Variants in CALD1 observed in about 807,000 individuals in gnomAD.
CALD1 encodes caldesmon.
A neutral mutation model predicts 99.9 loss-of-function variants in CALD1; 33 were observed. The ratio of observed to expected loss-of-function variants is 0.33; its 90% CI spans 0.25 to 0.44. CALD1 has a LOEUF of 0.44. Ranked by LOEUF, CALD1 falls within the 20% of genes least tolerant of loss-of-function variation. The pLI is 1.00. For synonymous variants in CALD1, 310 were observed against 325.0 expected (o/e 0.95, Z 0.50); for missense variants, 861 against 962.1 (o/e 0.89, Z 1.39).
intron 13 of CALD1, chr7:134,962,870 T>A (rs2133276073): frequency 2.2e-6 from 1 of 456,662 alleles, no homozygotes; most frequent in South Asian, 1.5e-5. Flanking sequence ...GAAACCTGCT[T>A]CTCCTGCCTT....
chr7:134,934,222 A>G (rs1412705011), intron 5 of CALD1, 145 bp downstream of exon 5: 1 of 1,219,730 alleles, frequency 8.2e-7, no homozygotes, highest in African/African-American at 1.5e-5. Flanking sequence ...GGCCATAGCG[A>G]TACACAAGCA....
At chr7:134,881,355 G>A (rs1011035075) in intron 3 of CALD1, among the ~76,000 whole-genome samples, 2 of 152,020 alleles carry the variant, frequency 1.3e-5, no homozygotes, top group African/African-American at 4.8e-5. Context: ...TATCACATTA[G>A]AGCTAAATGT....
chr7:134,907,184 G>A (rs1453632486), intron 3 of CALD1, among the ~76,000 whole-genome samples: 2 of 152,108 alleles, frequency 1.3e-5, no homozygotes, highest in African/African-American at 2.4e-5. Flanking sequence ...GATAGGATTA[G>A]TGGGACAGCC....
the CALD1 span, among the ~76,000 whole-genome samples, chr7:134,733,089 C>G: frequency 1.3e-5 from 2 of 152,248 alleles, no homozygotes; most frequent in Non-Finnish European, 2.9e-5. Context: ...CCCTTCTCCT[C>G]TCCTCTTGAG....
At chr7:134,965,500 C>T (rs1394255604) in intron 14 of CALD1, 114 bp downstream of exon 14, 1 of 691,720 alleles carries the variant, frequency 1.4e-6, no homozygotes, top group Non-Finnish European at 2.7e-6. Flanking sequence ...TTTGCCTGCA[C>T]ACCCATCAGT....
intron 3 of CALD1, among the ~76,000 whole-genome samples, chr7:134,916,839 T>C (rs1276666704): frequency 6.6e-6 from 1 of 152,202 alleles, no homozygotes; most frequent in Non-Finnish European, 1.5e-5. Context: ...ACATTTCAGA[T>C]TTAGGGATGA....
chr7:134,817,751 T>A (rs1315195617), intron 1 of CALD1, among the ~76,000 whole-genome samples: 2 of 152,174 alleles, frequency 1.3e-5, no homozygotes, highest in East Asian at 1.9e-4. Flanking sequence ...GGTGCAAAGT[T>A]TTTAGAAAGC....
chr7:134,782,423 G>A (rs1797142722), intron 1 of CALD1, among the ~76,000 whole-genome samples: 1 of 152,224 alleles, frequency 6.6e-6, no homozygotes, highest in Non-Finnish European at 1.5e-5. Flanking sequence ...TCCTTCATCT[G>A]TCAGGCTAAT....
chr7:134,754,057 C>T (rs1796707364), intron 1 of CALD1, among the ~76,000 whole-genome samples: 1 of 152,180 alleles, frequency 6.6e-6, no homozygotes, highest in Non-Finnish European at 1.5e-5. Flanking sequence ...CACGTAACTT[C>T]TGTGGGATGA....
rs1422124760 is a variant in CALD1, at chr7:134,925,407, G to A, written c.72-3347G>A. ...TAAGGTTATATTCCATTAAGGGGAC[G>A]GAGGAGTTTTGCTTTTAGGATAGGT... On this transcript the variant is annotated intron_variant, in intron 3 of 14. Transcript: ENST00000361675. Among the ~76,000 whole-genome samples the A allele has an allele frequency of 2.6e-5, 4 of 152,232 alleles. No individual in the cohort carries two copies. The East Asian group carries it at 5.8e-4, about 22-fold the overall frequency.
chr7:134,929,346 C>T (rs1260284563), intron 4 of CALD1, among the ~76,000 whole-genome samples: 1 of 151,588 alleles, frequency 6.6e-6, no homozygotes, highest in Non-Finnish European at 1.5e-5. Flanking sequence ...ACTCGTCACC[C>T]GAGCAGTACA....
At chr7:134,864,252 CAGG>C (rs1276517369) in intron 2 of CALD1, among the ~76,000 whole-genome samples, 1 of 150,396 alleles carries the variant, frequency 6.6e-6, no homozygotes, top group African/African-American at 2.5e-5. Context: ...GAGGCTGAAG[CAGG>C]AGAATTTCTC....
chr7:134,878,157 G>A (rs377710701), intron 3 of CALD1, among the ~76,000 whole-genome samples: 1 of 152,130 alleles, frequency 6.6e-6, no homozygotes, highest in Middle Eastern at 3.4e-3. Flanking sequence ...ACGAATTTAG[G>A]TACTAGCTTC....
At chr7:134,853,744 T>A (rs1055420020) in intron 2 of CALD1, among the ~76,000 whole-genome samples, 9 of 152,286 alleles carry the variant, frequency 5.9e-5, no homozygotes, top group Admixed American at 3.9e-4. Context: ...AGTTCTGGGG[T>A]ACATGTGCAG....
At chr7:134,748,802 C>T (rs1301041529) in intron 1 of CALD1, among the ~76,000 whole-genome samples, 1 of 146,566 alleles carries the variant, frequency 6.8e-6, no homozygotes, top group African/African-American at 2.5e-5. Context: ...TTTGTTTCTC[C>T]TCCAAAATTC....
chr7:134,722,413 ATTT>A, the CALD1 span, among the ~76,000 whole-genome samples: 1 of 150,410 alleles, frequency 6.6e-6, no homozygotes, highest in African/African-American at 2.5e-5. Flanking sequence ...TTATTTATTT[ATTT>A]ATTTGTTTGT....
At chr7:134,861,795 CCTGT>C (rs1800575521) in intron 2 of CALD1, among the ~76,000 whole-genome samples, 1 of 152,088 alleles carries the variant, frequency 6.6e-6, no homozygotes, top group Admixed American at 6.5e-5. Context: ...TCAGAGAGGA[CCTGT>C]CTAATAATGG....
chr7:134,958,463 T>C (rs1182972496), intron 11 of CALD1, among the ~76,000 whole-genome samples, 173 bp downstream of exon 11: 2 of 145,110 alleles, frequency 1.4e-5, no homozygotes, highest in Non-Finnish European at 3.0e-5. Flanking sequence ...CAGGCTGGAG[T>C]GCAATGGCAA....
chr7:134,820,534 G>A (rs764343852), intron 1 of CALD1, among the ~76,000 whole-genome samples: 44 of 152,150 alleles, frequency 2.9e-4, no homozygotes, highest in Non-Finnish European at 4.3e-4. Flanking sequence ...TTGAAGTAAC[G>A]TCATATTACA....
Sources: allele counts gnomAD v4.1 joint callset (sites outside exome capture counted in the v4.1 genomes callset), GRCh38; gene constraint gnomAD v4.1.1; transcripts MANE v1.5; gene names NCBI Gene and HGNC (gene_info 2026-07-23, HGNC 2026-07-21).